Variants in CLTB observed in about 807,000 individuals in gnomAD.
The protein encoded by CLTB is clathrin light chain B.
CLTB carries 10 observed loss-of-function variants against 30.5 expected under a neutral mutation model. That is an observed-to-expected ratio of 0.33 (90% CI 0.20 to 0.56). The LOEUF (loss-of-function observed/expected upper bound fraction) is 0.56. Among genes scored for constraint, CLTB ranks in the 20% least tolerant of loss-of-function variants. The pLI is 0.91. For synonymous variants in CLTB, 102 were observed against 120.3 expected (o/e 0.85, Z 1.00); for missense variants, 261 against 308.3 (o/e 0.85, Z 1.15).
intron 2 of CLTB, chr5:176,401,961 A>G (rs1756841237): frequency 8.8e-6 from 3 of 340,166 alleles, no homozygotes; most frequent in African/African-American, 2.2e-5. Flanking sequence ...AAAATGCCCG[A>G]ATGACCTATT....
intron 2 of CLTB, among the ~76,000 whole-genome samples, chr5:176,398,821 CACTT>C (rs1756675040): frequency 6.6e-6 from 1 of 152,118 alleles, no homozygotes; most frequent in South Asian, 2.1e-4. Context: ...TAACTCCTAA[CACTT>C]AGTCCAAAAA....
chr5:176,403,605 G>C (rs564717969), intron 2 of CLTB, among the ~76,000 whole-genome samples: 2 of 151,402 alleles, frequency 1.3e-5, no homozygotes, highest in African/African-American at 4.9e-5. Context: ...AGGCGCCCAC[G>C]ACCACGCCTG....
At chr5:176,394,619 C>A (rs62402495) in intron 5 of CLTB, among the ~76,000 whole-genome samples, 2 of 151,646 alleles carry the variant, frequency 1.3e-5, no homozygotes, top group Non-Finnish European at 2.9e-5. Flanking sequence ...TGGAGAGCAT[C>A]CTGGCTAACA....
intron 2 of CLTB, chr5:176,405,585 T>G (rs1292689282): frequency 6.6e-6 from 1 of 151,892 alleles, no homozygotes; most frequent in Non-Finnish European, 1.5e-5. Flanking sequence ...CCATATCCGT[T>G]TATTCACTGC....
rs568145592 is a variant in CLTB, at chr5:176,412,049, G to A, written c.188-1746C>T. Among the ~76,000 whole-genome samples the A allele has an allele frequency of 9.9e-5, 15 of 151,992 alleles. No individual in the cohort carries two copies. In the East Asian group the frequency reaches 1.2e-3, roughly 12 times the overall value. On this transcript the variant is annotated intron_variant, in intron 1 of 5. Coordinates refer to ENST00000310418, the MANE Select transcript of CLTB (RefSeq NM_007097.5). ...AAATTAGCCAGGCGTGGTGGCAGGC[G>A]CCTGTAGTCCCAGCCACTCGGGAGG...
intron 2 of CLTB, among the ~76,000 whole-genome samples, chr5:176,403,732 G>A (rs185138790): frequency 1.6e-3 from 231 of 147,226 alleles, no homozygotes; most frequent in African/African-American, 5.4e-3. Context: ...GATTACAGGC[G>A]TGAGCCACGG....
chr5:176,398,141 T>C, intron 2 of CLTB, 94 bp from the exon 3 acceptor site: 1 of 1,162,596 alleles, frequency 8.6e-7, no homozygotes, highest in Non-Finnish European at 1.3e-6. Context: ...TCTGGATAAC[T>C]CAGCCTCAAA....
In CLTB at chr5:176,396,679, A is replaced by C. The variant is rs575906177; in HGVS notation, c.465-147T>G. 24 of 709,554 alleles carry C rather than the reference A, an allele frequency of 3.4e-5. 2 individuals are homozygous for C. Among genetic ancestry groups the C allele is most frequent in the South Asian group, 3.2e-4 (21 of 66,028 alleles). 44.0% of individuals were successfully genotyped at this position (709,554 alleles called of 1,614,324 possible). On this transcript the variant is annotated intron_variant, in intron 4 of 5. Transcript: ENST00000310418. The stretch of plus-strand genomic sequence containing the variant: ...TAGGAAGCATAGTTCTGGAAGGCTC[A>C]GCAACGACCCACAGCCCCAAACAGG...
intron 1 of CLTB, among the ~76,000 whole-genome samples, chr5:176,410,999 C>T (rs752805379): frequency 3.3e-5 from 5 of 152,350 alleles, no homozygotes; most frequent in Middle Eastern, 3.4e-3. Context: ...TCTCCCGCAG[C>T]TCAGCCCCAG....
intron 1 of CLTB, among the ~76,000 whole-genome samples, chr5:176,415,404 C>G (rs1164734339): frequency 6.6e-6 from 1 of 152,112 alleles, no homozygotes; most frequent in African/African-American, 2.4e-5. Context: ...AATTCACGGC[C>G]AGGTGTGGTG....
At chr5:176,401,325 G>A (rs1386604488) in intron 2 of CLTB, among the ~76,000 whole-genome samples, 2 of 152,194 alleles carry the variant, frequency 1.3e-5, no homozygotes, top group African/African-American at 4.8e-5. Flanking sequence ...GAAATGACTT[G>A]AGAGGTCAGA....
chr5:176,398,997 G>A (rs529041825), intron 2 of CLTB, among the ~76,000 whole-genome samples: 2 of 151,758 alleles, frequency 1.3e-5, no homozygotes, highest in East Asian at 3.9e-4. Flanking sequence ...CACACGTCAC[G>A]ACACCCGGCT....
At chr5:176,394,747 G>A (rs1273920375) in intron 5 of CLTB, among the ~76,000 whole-genome samples, 2 of 152,044 alleles carry the variant, frequency 1.3e-5, no homozygotes, top group African/African-American at 2.4e-5. Flanking sequence ...CCCAGGAGGC[G>A]GAGGTTGCAG....
At chr5:176,414,959 T>C (rs773165727) in intron 1 of CLTB, among the ~76,000 whole-genome samples, 11 of 152,312 alleles carry the variant, frequency 7.2e-5, no homozygotes, top group South Asian at 6.2e-4. Context: ...GTAAACATCA[T>C]TAACCAAAAT....
chr5:176,401,222 C>G (rs1339802382), intron 2 of CLTB, among the ~76,000 whole-genome samples: 1 of 152,248 alleles, frequency 6.6e-6, no homozygotes, highest in Non-Finnish European at 1.5e-5. Context: ...ACCTACCGAG[C>G]CTTCCATCTG....
chr5:176,393,013 C>T lies in CLTB; in HGVS notation c.519-68G>A. The stretch of plus-strand genomic sequence containing the variant: ...CCCCCAGCCTTGCCCTTGAGCAAGG[C>T]TGCTTTGCCCAGCCTACTCTGGGGC... On this transcript the variant is annotated intron_variant, in intron 5 of 5. Coordinates refer to ENST00000310418, the MANE Select transcript of CLTB (RefSeq NM_007097.5). The surrounding 1 kb of genome is among the most constrained non-coding windows in gnomAD (Gnocchi z 4.4). 6.4e-7 allele frequency: 1 copy of T among 1,574,254 alleles called. No individual in the cohort carries two copies. Among genetic ancestry groups the T allele is most frequent in the Non-Finnish European group, 8.7e-7 (1 of 1,146,826 alleles).
At chr5:176,401,278 C>A (rs546180817) in intron 2 of CLTB, among the ~76,000 whole-genome samples, 1 of 152,320 alleles carries the variant, frequency 6.6e-6, no homozygotes, top group South Asian at 2.1e-4. Flanking sequence ...TATCCAGGTG[C>A]CCTATTTTAT....
At chr5:176,409,975 G>A (rs1757344856) in intron 2 of CLTB, among the ~76,000 whole-genome samples, 1 of 152,150 alleles carries the variant, frequency 6.6e-6, no homozygotes, top group Non-Finnish European at 1.5e-5. Flanking sequence ...TTCATCTCAT[G>A]CTGCTGTGGG....
chr5:176,402,030 C>T (rs1452603611), intron 2 of CLTB, among the ~76,000 whole-genome samples: 7 of 152,242 alleles, frequency 4.6e-5, no homozygotes, highest in African/African-American at 1.7e-4. Context: ...CAGCCGGGCA[C>T]GGTGGCTCGC....
Sources: allele counts gnomAD v4.1 joint callset (sites outside exome capture counted in the v4.1 genomes callset), GRCh38; gene constraint gnomAD v4.1.1; non-coding constraint Gnocchi (gnomAD v3.1); transcripts MANE v1.5; gene names NCBI Gene and HGNC (gene_info 2026-07-23, HGNC 2026-07-21).